Variants in RRAS2 observed in about 807,000 individuals in gnomAD.
RRAS2 encodes the protein RAS related 2.
Under a neutral mutation model 27.6 loss-of-function variants are expected in RRAS2, and 7 were observed. The ratio of observed to expected loss-of-function variants is 0.25; its 90% CI spans 0.14 to 0.48. RRAS2 has a LOEUF of 0.48. Ranked by LOEUF, RRAS2 falls within the 20% of genes least tolerant of loss-of-function variation. RRAS2 has a pLI of 0.99. For missense variants in RRAS2, 178 were observed against 256.2 expected, an observed-to-expected ratio of 0.69 and a Z score of 2.08; for synonymous variants, 86 against 90.9, an observed-to-expected ratio of 0.95 and a Z score of 0.31.
chr11:14,351,910 A>G (rs78179766), intron 1 of RRAS2, among the ~76,000 whole-genome samples: 17 of 151,878 alleles, frequency 1.1e-4, no homozygotes, highest in African/African-American at 2.7e-4. Context: ...AAAAAAAAAA[A>G]AAGAAGACAG....
intron 1 of RRAS2, among the ~76,000 whole-genome samples, chr11:14,321,901 A>G (rs1380518602): frequency 6.6e-6 from 1 of 152,208 alleles, no homozygotes; most frequent in Non-Finnish European, 1.5e-5. Flanking sequence ...TACTGTAATC[A>G]TATGACAATG....
rs571556401 is a variant in RRAS2, at chr11:14,330,091, A to C, written c.108+28672T>G. On this transcript the variant is annotated intron_variant, in intron 1 of 5. Coordinates refer to ENST00000256196, the MANE Select transcript of RRAS2 (RefSeq NM_012250.6). The stretch of plus-strand genomic sequence containing the variant: ...CCCTATCTCTTAGAAACAATGAAAA[A>C]GAAAATTAAAAAATATCCAAATGAC... Among the ~76,000 whole-genome samples, 343 of 152,326 alleles carry C rather than the reference A, an allele frequency of 2.3e-3. 1 individual carries two copies. Among genetic ancestry groups the C allele is most frequent in the African/African-American group, 7.8e-3 (324 of 41,568 alleles).
intron 1 of RRAS2, among the ~76,000 whole-genome samples, chr11:14,330,216 C>T (rs1333358860): frequency 6.6e-6 from 1 of 152,118 alleles, no homozygotes; most frequent in Non-Finnish European, 1.5e-5. Context: ...CAAAGGAAAA[C>T]AGAACAAAAT....
In RRAS2 at chr11:14,353,331, C is replaced by T. The variant is rs532600358; in HGVS notation, c.108+5432G>A. 2.0e-5 allele frequency among the ~76,000 whole-genome samples: 3 copies of T among 152,168 alleles called. No individual in the cohort carries two copies. The South Asian group carries it at 6.2e-4, about 32-fold the overall frequency. On this transcript the variant is annotated intron_variant, in intron 1 of 5. Coordinates refer to ENST00000256196, the MANE Select transcript of RRAS2 (RefSeq NM_012250.6). ...CCTACTCAACAAAAGTGCTCCCACT[C>T]GGCCAGGCATGGTGCAGGCCCAGGC...
intron 1 of RRAS2, among the ~76,000 whole-genome samples, chr11:14,316,736 T>C (rs1377155386): frequency 6.6e-6 from 1 of 152,186 alleles, no homozygotes; most frequent in Non-Finnish European, 1.5e-5. Context: ...AATAAGACCC[T>C]GTTTCAAAAC....
At chr11:14,305,224 C>A (rs565405809) in intron 1 of RRAS2, among the ~76,000 whole-genome samples, 1 of 152,118 alleles carries the variant, frequency 6.6e-6, no homozygotes, top group African/African-American at 2.4e-5. Context: ...CTGGTATGTG[C>A]CAGCAGAAAG....
At chr11:14,335,061 A>G (rs1215030624) in intron 1 of RRAS2, among the ~76,000 whole-genome samples, 5 of 152,116 alleles carry the variant, frequency 3.3e-5, no homozygotes, top group Admixed American at 2.0e-4. Flanking sequence ...TTATTTACCA[A>G]TCTAAGACCT....
chr11:14,296,123 T>G (rs1170147527), intron 1 of RRAS2, among the ~76,000 whole-genome samples: 1 of 152,118 alleles, frequency 6.6e-6, no homozygotes, highest in African/African-American at 2.4e-5. Context: ...GGGGCTGCAA[T>G]GAACCATGAT....
chr11:14,304,252 G>A (rs1451612811), intron 1 of RRAS2, among the ~76,000 whole-genome samples: 2 of 152,176 alleles, frequency 1.3e-5, no homozygotes, highest in Admixed American at 6.5e-5. Context: ...TTAAATGAAA[G>A]GGGCTTAAGG....
At chr11:14,359,297 G>T, upstream of RRAS2, 1 of 372,954 alleles carries the variant, frequency 2.7e-6, no homozygotes, top group Non-Finnish European at 3.7e-6. Context: ...AGACCCCCAC[G>T]GACACACCGC....
chr11:14,348,895 G>T (rs1848891766), intron 1 of RRAS2, among the ~76,000 whole-genome samples: 1 of 152,202 alleles, frequency 6.6e-6, no homozygotes, highest in South Asian at 2.1e-4. Context: ...GCAGACAGAA[G>T]TGGAAAAAGA....
intron 1 of RRAS2, chr11:14,308,451 G>T (rs561314780): frequency 8.9e-6 from 2 of 223,772 alleles, no homozygotes; most frequent in South Asian, 5.2e-5. Flanking sequence ...ATAAATGAGG[G>T]GTTTGCCCTT....
intron 1 of RRAS2, among the ~76,000 whole-genome samples, chr11:14,302,636 T>G (rs1277592728): frequency 6.6e-6 from 1 of 152,126 alleles, no homozygotes; most frequent in Non-Finnish European, 1.5e-5. Flanking sequence ...CTGCTCCCAC[T>G]CCCAGGGAGT....
intron 5 of RRAS2, among the ~76,000 whole-genome samples, chr11:14,280,562 C>T (rs1437915633): frequency 1.3e-5 from 2 of 151,626 alleles, no homozygotes; most frequent in African/African-American, 2.4e-5. Flanking sequence ...CCCATCTCTA[C>T]TAAAAATACA....
At chr11:14,342,811 C>T (rs1848744595) in intron 1 of RRAS2, among the ~76,000 whole-genome samples, 1 of 152,074 alleles carries the variant, frequency 6.6e-6, no homozygotes, top group Non-Finnish European at 1.5e-5. Context: ...CTTAACTTGT[C>T]TCATATACAT....
At chr11:14,352,403 T>C (rs1438336491) in intron 1 of RRAS2, among the ~76,000 whole-genome samples, 4 of 152,240 alleles carry the variant, frequency 2.6e-5, no homozygotes, top group Non-Finnish European at 5.9e-5. Context: ...AGACAATTTA[T>C]ATTTCTTTGC....
intron 1 of RRAS2, among the ~76,000 whole-genome samples, chr11:14,352,269 TA>T (rs1848972211): frequency 6.6e-6 from 1 of 152,224 alleles, no homozygotes; most frequent in Non-Finnish European, 1.5e-5. Flanking sequence ...TTAATTAAAC[TA>T]TAAGTTAAAG....
intron 4 of RRAS2, among the ~76,000 whole-genome samples, chr11:14,287,663 G>C (rs147203984): frequency 1.3e-5 from 2 of 152,056 alleles, no homozygotes; most frequent in African/African-American, 4.8e-5. Flanking sequence ...CCTAAGGTCG[G>C]GAGCTCAAGA....
chr11:14,296,009 T>C, intron 1 of RRAS2, 154 bp from the exon 2 acceptor site: 1 of 506,666 alleles, frequency 2.0e-6, no homozygotes, highest in East Asian at 3.4e-5. Context: ...TCTTATCTCT[T>C]AAAAAAAAAT....
Sources: gnomAD v4.1 joint callset for allele counts (sites outside exome capture counted in the v4.1 genomes callset) on GRCh38, gnomAD v4.1.1 for gene constraint, MANE v1.5 for transcripts, NCBI Gene and HGNC (gene_info 2026-07-23, HGNC 2026-07-21) for gene names.